The following KIF4A variants were observed in gnomAD, a reference collection of about 807,000 sequenced individuals.
The protein encoded by KIF4A is kinesin family member 4A.
In KIF4A, 7 loss-of-function variants were observed where a neutral mutation model predicts 105.9. The observed-to-expected ratio is 0.07, with a 90% CI of 0.04 to 0.12. KIF4A has a LOEUF of 0.12. Among genes scored for constraint, KIF4A ranks in the 10% least tolerant of loss-of-function variants. The pLI is 1.00. For synonymous variants in KIF4A, 281 were observed against 331.3 expected, an observed-to-expected ratio of 0.85 and a Z score of 1.65; for missense variants, 558 against 929.2, an observed-to-expected ratio of 0.60 and a Z score of 5.19.
chrX:70,344,915 A>G (rs1171493012), intron 13 of KIF4A, among the ~76,000 whole-genome samples: 1 of 112,207 alleles, frequency 8.9e-6, no homozygotes, highest in East Asian at 2.8e-4. Flanking sequence ...GCCAGCTCTA[A>G]GAAATTAAAT....
At chrX:70,407,760 TA>T (rs200386033) in intron 28 of KIF4A, among the ~76,000 whole-genome samples, 1,920 of 112,511 alleles carry the variant, frequency 0.017, 24 homozygotes, top group Non-Finnish European at 0.027. Context: ...TTACCACTTT[TA>T]ATCACCACAA....
chrX:70,346,556 G>T (rs984449870), intron 13 of KIF4A, among the ~76,000 whole-genome samples: 1 of 111,981 alleles, frequency 8.9e-6, no homozygotes, highest in Admixed American at 9.5e-5. Context: ...TGCCTGGTGT[G>T]CCTGTAGAGG....
At chrX:70,410,381 G>C (rs1282373987) in intron 28 of KIF4A, among the ~76,000 whole-genome samples, 1 of 111,720 alleles carries the variant, frequency 9.0e-6, no homozygotes, top group African/African-American at 3.3e-5. Context: ...GGAGATGCTG[G>C]GGGGTAAGTC....
intron 22 of KIF4A, among the ~76,000 whole-genome samples, chrX:70,401,543 G>A (rs1332936137): frequency 9.2e-6 from 1 of 109,262 alleles, no homozygotes; most frequent in Admixed American, 9.8e-5. Flanking sequence ...TGGGATTACA[G>A]GCACCCACCA....
chrX:70,321,286 A>G (rs1208619482), intron 7 of KIF4A, among the ~76,000 whole-genome samples: 1 of 112,091 alleles, frequency 8.9e-6, no homozygotes, highest in Non-Finnish European at 1.9e-5. Flanking sequence ...ACACAATCAA[A>G]CCATCTACAA....
intron 7 of KIF4A, among the ~76,000 whole-genome samples, chrX:70,327,974 G>A (rs2085916779): frequency 9.0e-6 from 1 of 111,652 alleles, no homozygotes; most frequent in Non-Finnish European, 1.9e-5. Flanking sequence ...TCTACTGACA[G>A]TATTAGAAAG....
chrX:70,378,726 C>A (rs199741121), intron 18 of KIF4A, among the ~76,000 whole-genome samples: 1 of 92,576 alleles, frequency 1.1e-5, no homozygotes. Context: ...GAAACTGTCT[C>A]AAAAAAAAAA....
chrX:70,333,595 G>A, intron 9 of KIF4A, 33 bp from the exon 10 acceptor site: 1 of 1,104,656 alleles, frequency 9.1e-7, no homozygotes, highest in Non-Finnish European at 1.3e-6. Flanking sequence ...TTTGGTTGGT[G>A]ACTAGCTGAT....
intron 15 of KIF4A, among the ~76,000 whole-genome samples, chrX:70,355,805 T>C (rs1390157961): frequency 9.0e-6 from 1 of 111,433 alleles, no homozygotes; most frequent in Non-Finnish European, 1.9e-5. Flanking sequence ...CGGATGGGGC[T>C]GCAGGACCCT....
intron 13 of KIF4A, among the ~76,000 whole-genome samples, chrX:70,350,585 T>G (rs113833260): frequency 0.059 from 6,412 of 109,122 alleles, 507 homozygotes; most frequent in African/African-American, 0.2. Context: ...GTCAGGAGGC[T>G]GAGGTGGGAA....
rs762085350 is a variant in KIF4A at position 70,330,142 on chromosome X, A to G, written c.896-15A>G. On this transcript the variant is annotated splice_polypyrimidine_tract_variant and intron_variant, in intron 8 of 30. Coordinates refer to ENST00000374403, the MANE Select transcript of KIF4A (RefSeq NM_012310.5). The stretch of plus-strand genomic sequence containing the variant: ...ATTTCATTTCCTTTCGTTATTCTTT[A>G]TTGTTCTTTTTCAGATTCTCTAGGA... 5 of 1,158,758 alleles carry G rather than the reference A, an allele frequency of 4.3e-6. No homozygotes were observed. In the Admixed American group the frequency reaches 1.3e-4, roughly 29 times the overall value.
chrX:70,368,963 A>T (rs866068691), intron 15 of KIF4A, among the ~76,000 whole-genome samples: 2 of 111,640 alleles, frequency 1.8e-5, no homozygotes, highest in Admixed American at 1.9e-4. Flanking sequence ...CGCCCCTCCC[A>T]CAGCCTCATT....
intron 13 of KIF4A, among the ~76,000 whole-genome samples, chrX:70,351,586 C>T (rs977610157): frequency 9.0e-6 from 1 of 111,513 alleles, no homozygotes; most frequent in Non-Finnish European, 1.9e-5. Flanking sequence ...GGTATACACA[C>T]ACCACATACA....
chrX:70,407,120 T>A, intron 28 of KIF4A, 45 bp downstream of exon 28: 1 of 1,145,845 alleles, frequency 8.7e-7, no homozygotes, highest in Non-Finnish European at 1.2e-6. Flanking sequence ...GTTGTTGTTG[T>A]TTTTGGAGAC....
chrX:70,355,716 G>A (rs148117943), intron 15 of KIF4A, among the ~76,000 whole-genome samples: 3,566 of 110,890 alleles, frequency 0.032, 71 homozygotes, highest in Non-Finnish European at 0.051. Context: ...GTGAGCGCCC[G>A]GTGCAGAGAA....
At chrX:70,374,057 T>A in intron 15 of KIF4A, 94 bp from the exon 16 acceptor site, 1 of 440,980 alleles carries the variant, frequency 2.3e-6, no homozygotes, top group Non-Finnish European at 3.8e-6. Context: ...TGGTAAAAAT[T>A]AATGCATAGT....
At chrX:70,292,870 G>A (rs1371051541) in intron 3 of KIF4A, among the ~76,000 whole-genome samples, 2 of 112,167 alleles carry the variant, frequency 1.8e-5, no homozygotes, top group African/African-American at 3.2e-5. Context: ...GCAACATAAA[G>A]TAGAAAGTGA....
intron 7 of KIF4A, among the ~76,000 whole-genome samples, chrX:70,307,075 C>T (rs1319502258): frequency 1.8e-5 from 2 of 110,689 alleles, no homozygotes; most frequent in Admixed American, 9.7e-5. Flanking sequence ...ATCTTCCTGC[C>T]TTTACCTCCC....
intron 15 of KIF4A, among the ~76,000 whole-genome samples, chrX:70,355,455 G>T (rs1602768612): frequency 8.9e-6 from 1 of 111,936 alleles, no homozygotes; most frequent in East Asian, 2.8e-4. Context: ...AGCTTGCAGG[G>T]CCCCATTCCA....
Sources: gnomAD v4.1 joint callset for allele counts (sites outside exome capture counted in the v4.1 genomes callset) on GRCh38, gnomAD v4.1.1 for gene constraint, MANE v1.5 for transcripts, NCBI Gene and HGNC (gene_info 2026-07-23, HGNC 2026-07-21) for gene names.